The following NDUFAF6 variants were observed in gnomAD, a reference collection of about 807,000 sequenced individuals.
NDUFAF6 encodes the protein NADH dehydrogenase (ubiquinone) complex I, assembly factor 6.
A neutral mutation model predicts 40.8 loss-of-function variants in NDUFAF6; 45 were observed. The observed-to-expected ratio is 1.10, with a 90% CI of 0.87 to 1.42. The LOEUF is 1.42. NDUFAF6 is among the 40% of genes most tolerant of loss of function. The probability of loss-of-function intolerance (pLI) is 0.00; values close to 1 mark genes in which losing one functional copy is unlikely to be tolerated. For synonymous variants in NDUFAF6, 185 were observed against 155.9 expected, an observed-to-expected ratio of 1.19 and a Z score of -1.39; for missense variants, 435 against 418.5, an observed-to-expected ratio of 1.04 and a Z score of -0.34.
At chr8:95,008,913 T>C (rs1827114597) in intron 2 of NDUFAF6, among the ~76,000 whole-genome samples, 1 of 152,202 alleles carries the variant, frequency 6.6e-6, no homozygotes, top group East Asian at 1.9e-4. Context: ...TTTGTAGATA[T>C]GGGCTGGGCA....
downstream of NDUFAF6, among the ~76,000 whole-genome samples, chr8:95,062,963 CTG>C (rs1418162416): frequency 1.3e-5 from 2 of 152,158 alleles, no homozygotes; most frequent in South Asian, 2.1e-4. Context: ...CTGGAAGAGT[CTG>C]TGTCAAAGCT....
intron 2 of NDUFAF6, among the ~76,000 whole-genome samples, chr8:95,017,831 T>C (rs1453689716): frequency 6.6e-6 from 1 of 152,208 alleles, no homozygotes; most frequent in Non-Finnish European, 1.5e-5. Flanking sequence ...CCAACAGACT[T>C]CTGCAATCAT....
At chr8:94,896,103 TCTCCAC>T in intron 1 of NDUFAF6, among the ~76,000 whole-genome samples, 1 of 152,128 alleles carries the variant, frequency 6.6e-6, no homozygotes, top group African/African-American at 2.4e-5. Flanking sequence ...CTTCCTCTCT[TCTCCAC>T]CTCCAATTCC....
chr8:94,983,256 C>CTTTTTTTTT (rs1173077785), intron 2 of NDUFAF6, among the ~76,000 whole-genome samples: 3 of 83,186 alleles, frequency 3.6e-5, no homozygotes, highest in Non-Finnish European at 7.4e-5. Context: ...CTTTGCTATT[C>CTTTTTTTTT]TTTTTTTTTT....
At chr8:94,934,982 C>T (rs192286891) in intron 1 of NDUFAF6, among the ~76,000 whole-genome samples, 153 of 152,108 alleles carry the variant, frequency 1.0e-3, no homozygotes, top group African/African-American at 3.3e-3. Flanking sequence ...TGTTTAGCCT[C>T]ATAAAAAATC....
chr8:94,938,052 G>C (rs1480406642), intron 1 of NDUFAF6, among the ~76,000 whole-genome samples: 1 of 152,124 alleles, frequency 6.6e-6, no homozygotes, highest in East Asian at 1.9e-4. Flanking sequence ...GTTATGAATT[G>C]GGATCAATTC....
intron 2 of NDUFAF6, among the ~76,000 whole-genome samples, chr8:95,012,104 G>A (rs1827249292): frequency 6.6e-6 from 1 of 152,164 alleles, no homozygotes; most frequent in African/African-American, 2.4e-5. Flanking sequence ...TCACTGGCCT[G>A]AAAATCATCA....
At chr8:95,094,751 C>CTTT (rs1468304699) in intron 2 of NDUFAF6, among the ~76,000 whole-genome samples, 33 of 19,440 alleles carry the variant, frequency 1.7e-3, no homozygotes, top group Non-Finnish European at 2.7e-3. Flanking sequence ...TCTTCTTCTT[C>CTTT]TTTTTTTTTT....
At chr8:94,910,763 A>G (rs1204497392) in intron 1 of NDUFAF6, among the ~76,000 whole-genome samples, 1 of 152,232 alleles carries the variant, frequency 6.6e-6, no homozygotes, top group South Asian at 2.1e-4. Flanking sequence ...CAGGGTTCCA[A>G]TTTTTAAGAA....
At chr8:94,965,373 A>C (rs1823932103) in intron 1 of NDUFAF6, among the ~76,000 whole-genome samples, 1 of 152,156 alleles carries the variant, frequency 6.6e-6, no homozygotes, top group Admixed American at 6.5e-5. Context: ...GACAGGGTGG[A>C]GGGTGTCAGG....
intron 1 of NDUFAF6, among the ~76,000 whole-genome samples, chr8:94,932,955 G>A (rs1483881904): frequency 6.6e-6 from 1 of 152,198 alleles, no homozygotes; most frequent in Non-Finnish European, 1.5e-5. Context: ...AATGGCTCAT[G>A]ACTGTAATCC....
At chr8:95,097,277 A>C (rs11778009), upstream of NDUFAF6, among the ~76,000 whole-genome samples, 1,456 of 152,190 alleles carry the variant, frequency 9.6e-3, 21 homozygotes, top group Middle Eastern at 0.034. Flanking sequence ...AATAACAAAA[A>C]AATAAACTAA....
At chr8:95,017,085 G>A (rs1423957481) in intron 2 of NDUFAF6, among the ~76,000 whole-genome samples, 1 of 149,396 alleles carries the variant, frequency 6.7e-6, no homozygotes, top group East Asian at 2.0e-4. Flanking sequence ...GGTGTACACT[G>A]CCATGCCCAG....
chr8:95,090,786 C>G (rs543762561), intron 2 of NDUFAF6, among the ~76,000 whole-genome samples: 1 of 152,156 alleles, frequency 6.6e-6, no homozygotes, highest in Non-Finnish European at 1.5e-5. Context: ...TGGGCACAAT[C>G]TAATCAGCTT....
At chr8:94,939,550 C>T (rs1470594360) in intron 1 of NDUFAF6, 7 of 322,246 alleles carry the variant, frequency 2.2e-5, no homozygotes, top group Non-Finnish European at 3.0e-5. Context: ...TGTGCACCAC[C>T]ACACCTGGCT....
intron 2 of NDUFAF6, among the ~76,000 whole-genome samples, chr8:95,015,418 A>G (rs1438200777): frequency 3.3e-5 from 5 of 152,220 alleles, no homozygotes; most frequent in Non-Finnish European, 7.3e-5. Context: ...GGAACAAAAT[A>G]TGACATAAAA....
chr8:95,084,127 A>G (rs1315492448), intron 2 of NDUFAF6, among the ~76,000 whole-genome samples: 1 of 152,142 alleles, frequency 6.6e-6, no homozygotes, highest in African/African-American at 2.4e-5. Context: ...TTATTTATTT[A>G]TCTAAGAACA....
Position 94,944,556 on chromosome 8 carries a change from A to C in NDUFAF6, c.-935-927A>C, listed in dbSNP as rs143759053. On this transcript the variant is annotated intron_variant, in intron 1 of 14. Coordinates refer to the NDUFAF6 transcript ENST00000396113. ...GTCAGAGGCTGCCTCCAGATGTCCCATATCTCTGCAAGGACAACCAACCTT... is the reference window on the plus strand; with the variant it reads ...GTCAGAGGCTGCCTCCAGATGTCCCCTATCTCTGCAAGGACAACCAACCTT... Among the ~76,000 whole-genome samples, 1,112 of 152,330 alleles carry C rather than the reference A, an allele frequency of 7.3e-3. 14 individuals are homozygous for C. The highest frequency in any genetic ancestry group is 0.024 in the African/African-American group (1,011 of 41,562).
At chr8:95,066,773 T>C (rs1382386690) in intron 9 of NDUFAF6, 2 of 152,256 alleles carry the variant, frequency 1.3e-5, no homozygotes, top group African/African-American at 4.8e-5. Context: ...GTTAGCACGC[T>C]TCTGAGCAAA....
Sources: gnomAD v4.1 joint callset for allele counts (sites outside exome capture counted in the v4.1 genomes callset) on GRCh38, gnomAD v4.1.1 for gene constraint, MANE v1.5 for transcripts, NCBI Gene and HGNC (gene_info 2026-07-23, HGNC 2026-07-21) for gene names.